MYO5B: variants seen among roughly 807,000 people sequenced by gnomAD.
MYO5B encodes myosin VB.
Under a neutral mutation model 229.3 loss-of-function variants are expected in MYO5B, and 143 were observed. The observed-to-expected ratio is 0.62, with a 90% CI of 0.54 to 0.72. The LOEUF (loss-of-function observed/expected upper bound fraction) is 0.72. Among genes scored for constraint, MYO5B ranks in the 30% least tolerant of loss-of-function variants. MYO5B has a pLI of 0.00. For synonymous variants in MYO5B, 918 were observed against 885.2 expected, an observed-to-expected ratio of 1.04 and a Z score of -0.66; for missense variants, 2,321 against 2,331.0, an observed-to-expected ratio of 1.00 and a Z score of 0.09.
chr18:49,899,927 A>AT (rs56854416), intron 21 of MYO5B, among the ~76,000 whole-genome samples: 79,442 of 150,990 alleles, frequency 0.53, 21,001 homozygotes, highest in Middle Eastern at 0.62. Context: ...AGCTTTTTTT[A>AT]TTTTTTTTTT....
At chr18:49,877,668 A>G in intron 25 of MYO5B, 95 bp downstream of exon 25, 1 of 1,555,066 alleles carries the variant, frequency 6.4e-7, no homozygotes, top group Non-Finnish European at 8.8e-7. Context: ...GGTCACCATC[A>G]GCAGAAGAGT....
chr18:49,880,338 C>A (rs1183146211), intron 23 of MYO5B, 33 bp downstream of exon 23: 3 of 1,579,884 alleles, frequency 1.9e-6, no homozygotes, highest in Non-Finnish European at 1.7e-6. Flanking sequence ...GAGATTAAAA[C>A]CCCAAATAAA....
intron 4 of MYO5B, among the ~76,000 whole-genome samples, chr18:50,011,019 C>G (rs543697345): frequency 1.3e-5 from 2 of 152,142 alleles, no homozygotes; most frequent in Non-Finnish European, 2.9e-5. Flanking sequence ...TTGATAGATA[C>G]TGCTTCATCC....
In MYO5B at chr18:49,839,298, C is replaced by T; in HGVS notation, c.4702-4G>A. On this transcript the variant is annotated splice_region_variant and splice_polypyrimidine_tract_variant and intron_variant, in intron 35 of 39. Transcript: ENST00000285039. Reference sequence around the variant, plus strand: ...CAGTGTTCTGAGTCATGAAGCCCTGCAGAGGGAGAGGCGTGCACTACTGAG... The same window carrying T: ...CAGTGTTCTGAGTCATGAAGCCCTGTAGAGGGAGAGGCGTGCACTACTGAG... 1 of 1,613,336 alleles carries T rather than the reference C, an allele frequency of 6.2e-7. No homozygotes were observed. The highest frequency in any genetic ancestry group is 8.5e-7 in the Non-Finnish European group (1 of 1,180,008).
intron 20 of MYO5B, among the ~76,000 whole-genome samples, chr18:49,903,638 G>A (rs992220693): frequency 2.0e-5 from 3 of 152,144 alleles, no homozygotes; most frequent in Admixed American, 6.5e-5. Flanking sequence ...TATCAATTTC[G>A]TGCTTTACTT....
intron 1 of MYO5B, among the ~76,000 whole-genome samples, chr18:50,129,679 G>A (rs1316572470): frequency 6.6e-6 from 1 of 152,230 alleles, no homozygotes; most frequent in African/African-American, 2.4e-5. Context: ...TAACTTGCCC[G>A]AGGTCCCTAG....
At chr18:49,901,283 C>G (rs564336626) in intron 21 of MYO5B, among the ~76,000 whole-genome samples, 1 of 152,294 alleles carries the variant, frequency 6.6e-6, no homozygotes, top group African/African-American at 2.4e-5. Flanking sequence ...GAGGACTGGC[C>G]ATGTGGGCCA....
intron 14 of MYO5B, among the ~76,000 whole-genome samples, chr18:49,950,281 G>C (rs1368432130): frequency 2.0e-5 from 3 of 152,168 alleles, no homozygotes; most frequent in Non-Finnish European, 4.4e-5. Context: ...TAGCTGGTGA[G>C]GGGGAAAGCT....
intron 1 of MYO5B, among the ~76,000 whole-genome samples, chr18:50,180,369 C>T (rs949110855): frequency 6.6e-6 from 1 of 152,202 alleles, no homozygotes; most frequent in African/African-American, 2.4e-5. Flanking sequence ...GTCCTAGACT[C>T]TTGCTCCTGG....
At chr18:49,846,311 G>A (rs139516284) in intron 33 of MYO5B, among the ~76,000 whole-genome samples, 16 of 152,296 alleles carry the variant, frequency 1.1e-4, no homozygotes, top group African/African-American at 2.2e-4. Flanking sequence ...CACGGAGCCC[G>A]AGACTCTGCA....
intron 17 of MYO5B, among the ~76,000 whole-genome samples, chr18:49,914,332 C>T (rs889924848): frequency 6.6e-6 from 1 of 152,214 alleles, no homozygotes; most frequent in African/African-American, 2.4e-5. Flanking sequence ...CCATAGCACA[C>T]CCTGTGATGG....
At chr18:50,163,002 C>T (rs1238314488) in intron 1 of MYO5B, among the ~76,000 whole-genome samples, 1 of 152,166 alleles carries the variant, frequency 6.6e-6, no homozygotes, top group Admixed American at 6.5e-5. Flanking sequence ...TCATGTTTTA[C>T]ATTTCAATGA....
intron 1 of MYO5B, among the ~76,000 whole-genome samples, chr18:50,090,064 T>C (rs2144486762): frequency 6.6e-6 from 1 of 152,320 alleles, no homozygotes; most frequent in Non-Finnish European, 1.5e-5. Context: ...TCTCTCGGCT[T>C]TGGAGCCCCA....
At chr18:49,945,979 T>C (rs143492562) in intron 14 of MYO5B, among the ~76,000 whole-genome samples, 1 of 152,300 alleles carries the variant, frequency 6.6e-6, no homozygotes, top group African/African-American at 2.4e-5. Context: ...TATTAAATAA[T>C]TCTAATTCAT....
At chr18:49,966,352 A>T (rs2025625663) in intron 10 of MYO5B, among the ~76,000 whole-genome samples, 1 of 152,190 alleles carries the variant, frequency 6.6e-6, no homozygotes, top group Non-Finnish European at 1.5e-5. Flanking sequence ...GTATGCTGGG[A>T]TGAAGGAGGC....
intron 1 of MYO5B, among the ~76,000 whole-genome samples, chr18:50,085,268 A>G (rs1185514338): frequency 1.3e-5 from 2 of 152,354 alleles, no homozygotes; most frequent in East Asian, 3.9e-4. Context: ...ATGAACAGAC[A>G]CTTCTCAAAA....
At chr18:50,031,266 C>T (rs926078558) in intron 4 of MYO5B, among the ~76,000 whole-genome samples, 2 of 152,098 alleles carry the variant, frequency 1.3e-5, no homozygotes, top group Non-Finnish European at 2.9e-5. Flanking sequence ...TCCATCTCTG[C>T]CCATCTAGGG....
chr18:49,956,690 C>T (rs956283201), intron 12 of MYO5B, among the ~76,000 whole-genome samples: 4 of 152,156 alleles, frequency 2.6e-5, no homozygotes, highest in African/African-American at 9.7e-5. Context: ...ATATGAACTT[C>T]TTTCTGCTCT....
In MYO5B at chr18:49,904,830, T is replaced by C; in HGVS notation, c.2415-2A>G. ...ATCCTCCGCAGGTGCTCAGCCAGCC[T>C]GGGGAGCAAGAGGAAACAGGCAGTG... is the stretch of plus-strand genomic sequence containing the variant. On this transcript the variant is annotated splice_acceptor_variant, in intron 19 of 39. Coordinates refer to ENST00000285039, the MANE Select transcript of MYO5B (RefSeq NM_001080467.3). LOFTEE classifies it high-confidence loss of function. 1 of 1,613,558 alleles carries C rather than the reference T, an allele frequency of 6.2e-7. No individual in the cohort carries two copies.
Sources: gnomAD v4.1 joint callset for allele counts (sites outside exome capture counted in the v4.1 genomes callset) on GRCh38, gnomAD v4.1.1 for gene constraint, MANE v1.5 for transcripts, NCBI Gene and HGNC (gene_info 2026-07-23, HGNC 2026-07-21) for gene names.